MAP4K3: variants seen among roughly 807,000 people sequenced by gnomAD.
The protein encoded by MAP4K3 is MAPK/ERK kinase kinase kinase 3.
In MAP4K3, 94 loss-of-function variants were observed where a neutral mutation model predicts 143.5. That is an observed-to-expected ratio of 0.65 (90% CI 0.55 to 0.78). The LOEUF (loss-of-function observed/expected upper bound fraction) is 0.78, where lower values mean the gene tolerates loss of function less well. MAP4K3 is among the 30% of genes least tolerant of loss of function. The pLI is 0.00. For synonymous variants in MAP4K3, 416 were observed against 347.2 expected (o/e 1.20, Z -2.20); for missense variants, 1,077 against 1,068.1 (o/e 1.01, Z -0.12).
rs979076359 is a variant in MAP4K3 at position 39,314,865 on chromosome 2, A to G, written c.997+445T>C. 3.9e-5 allele frequency among the ~76,000 whole-genome samples: 6 copies of G among 152,200 alleles called. 1 individual carries two copies. The highest frequency in any genetic ancestry group is 3.9e-4 in the Admixed American group (6 of 15,286). On this transcript the variant is annotated intron_variant, in intron 13 of 33. Coordinates refer to ENST00000263881, the MANE Select transcript of MAP4K3 (RefSeq NM_003618.4). ...TGAGAATCCCTTTTTAAAAGTTTCCAGGTTACTCAGATGCTAGGGCAGTTT... is the reference window on the plus strand; with the variant it reads ...TGAGAATCCCTTTTTAAAAGTTTCCGGGTTACTCAGATGCTAGGGCAGTTT...
At chr2:39,387,485 A>G (rs1268346289) in intron 1 of MAP4K3, among the ~76,000 whole-genome samples, 1 of 152,208 alleles carries the variant, frequency 6.6e-6, no homozygotes, top group African/African-American at 2.4e-5. Context: ...ACACGTGGCT[A>G]GTGATAACTG....
chr2:39,328,064 C>G (rs191527285), intron 8 of MAP4K3, among the ~76,000 whole-genome samples: 330 of 152,318 alleles, frequency 2.2e-3, no homozygotes, highest in Non-Finnish European at 3.8e-3. Context: ...GGAGCAGTGG[C>G]TCACGCCTGT....
At chr2:39,343,613 A>G (rs1010432264) in intron 3 of MAP4K3, among the ~76,000 whole-genome samples, 161 bp from the exon 4 acceptor site, 17 of 152,304 alleles carry the variant, frequency 1.1e-4, no homozygotes, top group Admixed American at 9.8e-4. Flanking sequence ...TGAATTACTT[A>G]ATATAATGTG....
intron 1 of MAP4K3, among the ~76,000 whole-genome samples, chr2:39,386,527 TTA>T (rs572057557): frequency 9.2e-5 from 14 of 152,378 alleles, no homozygotes; most frequent in South Asian, 2.1e-4. Context: ...TCTAAAAGTT[TTA>T]TGTTTTTACA....
Position 39,415,952 on chromosome 2 carries a change from C to CAAA in MAP4K3, c.96+20937_96+20939dup, listed in dbSNP as rs1192060497. 4.5e-3 allele frequency among the ~76,000 whole-genome samples: 12 copies of CAAA among 2,658 alleles called. 2 individuals are homozygous for CAAA. The highest frequency in any genetic ancestry group is 8.7e-3 in the Non-Finnish European group (10 of 1,156). 1.7% of individuals were successfully genotyped at this position (2,658 alleles called of 152,430 possible). ...TGGGCGAGAGAGCAAGGCTCTGTCT[C>CAAA]AAAAAAAAAAAAAAAAAAAAAAAAA... On this transcript the variant is annotated intron_variant, in intron 1 of 33. Coordinates refer to ENST00000263881, the MANE Select transcript of MAP4K3 (RefSeq NM_003618.4).
In MAP4K3 at chr2:39,343,446, A is replaced by G. The variant is rs146901043; in HGVS notation, c.252T>C (p.Asp84=). The G allele has an allele frequency of 1.5e-3, 2,458 of 1,612,690 alleles. 5 individuals carry two copies. The highest frequency in any genetic ancestry group is 1.9e-3 in the Non-Finnish European group (2,245 of 1,179,092). ...AAAACTCCATGCAAATCCAAAGCTTATCTCGCCTATAAAGAGAAAAGAAGC... is the reference window on the plus strand; with the variant it reads ...AAAACTCCATGCAAATCCAAAGCTTGTCTCGCCTATAAAGAGAAAAGAAGC... ...VAYFGSYLRR[D]KLWICMEFCG... is the part of the protein sequence containing the mutation. The change falls in exon 4 of 34, where the codon GAT becomes GAC. Residue 84 remains aspartate (D), a synonymous_variant. Coordinates refer to ENST00000263881, the MANE Select transcript of MAP4K3 (RefSeq NM_003618.4).
chr2:39,425,435 T>C (rs910941936), intron 1 of MAP4K3, among the ~76,000 whole-genome samples: 4 of 152,200 alleles, frequency 2.6e-5, no homozygotes, highest in African/African-American at 9.6e-5. Context: ...GTTGAAGACC[T>C]AACCCTCAAT....
At chr2:39,288,098 T>C (rs1330583237) in intron 20 of MAP4K3, 23 bp downstream of exon 20, 1 of 1,612,740 alleles carries the variant, frequency 6.2e-7, no homozygotes, top group Non-Finnish European at 8.5e-7. Flanking sequence ...GGTAACATAT[T>C]TGCTGTCACC....
chr2:39,367,284 G>A lies in MAP4K3; in HGVS notation c.154+10782C>T, dbSNP rs529057523. ...AAGCCAGGCACAGTGGCTCACACCT[G>A]TAGTCCCAGAACTTTAGGAAGCTGA... On this transcript the variant is annotated intron_variant, in intron 2 of 33. Coordinates refer to ENST00000263881, the MANE Select transcript of MAP4K3 (RefSeq NM_003618.4). 3.9e-5 allele frequency among the ~76,000 whole-genome samples: 6 copies of A among 152,326 alleles called. No homozygotes were observed. The South Asian group carries it at 1.2e-3, about 32-fold the overall frequency.
At chr2:39,261,833 T>C (rs901716571) in intron 28 of MAP4K3, among the ~76,000 whole-genome samples, 1 of 152,082 alleles carries the variant, frequency 6.6e-6, no homozygotes, top group African/African-American at 2.4e-5. Flanking sequence ...TCCACTTAAA[T>C]ACTGTTGAAA....
chr2:39,368,332 G>A (rs570662707), intron 2 of MAP4K3, among the ~76,000 whole-genome samples: 1 of 152,212 alleles, frequency 6.6e-6, no homozygotes, highest in Non-Finnish European at 1.5e-5. Flanking sequence ...AAAATTTTCT[G>A]TTTTTATCAT....
At chr2:39,377,994 A>G in intron 2 of MAP4K3, 72 bp downstream of exon 2, 1 of 889,526 alleles carries the variant, frequency 1.1e-6, no homozygotes, top group Non-Finnish European at 1.8e-6. Flanking sequence ...TTAACCAAAC[A>G]TCATTAAAAT....
chr2:39,269,470 CTTTTTTTTTTT>C lies in MAP4K3; in HGVS notation c.1974-2234_1974-2224del, dbSNP rs59479315. ...CTGAAGCTTAGATTTTTGCTCAGGT[CTTTTTTTTTTT>C]TTTTTTTTTTGGAGACAGGGTCTCA... On this transcript the variant is annotated intron_variant, in intron 26 of 33. Transcript: ENST00000263881. Among the ~76,000 whole-genome samples, 32 of 89,676 alleles carry C rather than the reference CTTTTTTTTTTT, an allele frequency of 3.6e-4. 1 individual carries two copies. The East Asian group carries it at 8.4e-3, about 23-fold the overall frequency. 58.8% of individuals were successfully genotyped at this position (89,676 alleles called of 152,430 possible). A position where few individuals can be genotyped will look rare whatever the true frequency, so the allele number is the denominator to read the frequency against.
chr2:39,315,513 GC>G (rs1683086557), intron 12 of MAP4K3, 125 bp from the exon 13 acceptor site: 3 of 503,148 alleles, frequency 6.0e-6, no homozygotes, highest in Non-Finnish European at 3.1e-6. Flanking sequence ...ACAGCACTTT[GC>G]AAATTTTTTT....
Position 39,272,560 on chromosome 2 carries a change from C to T in MAP4K3, c.1795-18G>A. 1 of 1,599,624 alleles carries T rather than the reference C, an allele frequency of 6.3e-7. No individual in the cohort carries two copies. The highest frequency in any genetic ancestry group is 8.6e-7 in the Non-Finnish European group (1 of 1,167,504). On this transcript the variant is annotated intron_variant, in intron 24 of 33. Coordinates refer to ENST00000263881, the MANE Select transcript of MAP4K3 (RefSeq NM_003618.4). ...GGGAATAGCTGATTAAAAAAAGGCA[C>T]AAAGTTTACAAAGAATAATACATAA...
chr2:39,286,737 T>G, intron 21 of MAP4K3, 115 bp downstream of exon 21: 1 of 443,118 alleles, frequency 2.3e-6, no homozygotes, highest in Non-Finnish European at 3.9e-6. Context: ...AAAATATCAA[T>G]ATAGTAATTG....
chr2:39,430,567 G>T (rs1455087908), intron 1 of MAP4K3, among the ~76,000 whole-genome samples: 1 of 151,956 alleles, frequency 6.6e-6, no homozygotes, highest in Non-Finnish European at 1.5e-5. Flanking sequence ...CTCTTGAATC[G>T]AAGGTTTTTT....
chr2:39,261,809 ATATACTT>A (rs1273683826), intron 28 of MAP4K3, among the ~76,000 whole-genome samples: 1 of 152,184 alleles, frequency 6.6e-6, no homozygotes, highest in Non-Finnish European at 1.5e-5. Context: ...ACAAATGAAC[ATATACTT>A]TATAATTCCA....
At chr2:39,434,136 CTCT>C (rs1665380497) in intron 1 of MAP4K3, among the ~76,000 whole-genome samples, 1 of 152,184 alleles carries the variant, frequency 6.6e-6, no homozygotes, top group African/African-American at 2.4e-5. Context: ...ATAATCGGAT[CTCT>C]TATTTATTTA....
Sources: gnomAD v4.1 joint callset for allele counts (sites outside exome capture counted in the v4.1 genomes callset) on GRCh38, gnomAD v4.1.1 for gene constraint, MANE v1.5 for transcripts, NCBI Gene and HGNC (gene_info 2026-07-23, HGNC 2026-07-21) for gene names.